The following NFATC3 variants were observed in gnomAD, a reference collection of about 807,000 sequenced individuals.
NFATC3 encodes the protein nuclear factor of activated T cells 3.
NFATC3 carries 46 observed loss-of-function variants against 98.6 expected under a neutral mutation model. The observed-to-expected ratio is 0.47, with a 90% CI of 0.37 to 0.60. The LOEUF (loss-of-function observed/expected upper bound fraction) is 0.60. Among genes scored for constraint, NFATC3 ranks in the 20% least tolerant of loss-of-function variants. The probability of loss-of-function intolerance (pLI) is 0.00; values close to 1 mark genes in which losing one functional copy is unlikely to be tolerated. For missense variants in NFATC3, 1,256 were observed against 1,295.5 expected (o/e 0.97, Z 0.47); for synonymous variants, 512 against 472.2 (o/e 1.08, Z -1.09).
intron 8 of NFATC3, 92 bp downstream of exon 8, chr16:68,183,458 G>A: frequency 7.0e-7 from 1 of 1,425,124 alleles, no homozygotes; most frequent in South Asian, 1.3e-5. Flanking sequence ...GTTTAAGGTA[G>A]AGTGCTTATA....
At chr16:68,222,361 T>C (rs974545582) in intron 9 of NFATC3, among the ~76,000 whole-genome samples, 1 of 137,422 alleles carries the variant, frequency 7.3e-6, no homozygotes, top group Non-Finnish European at 1.6e-5. Context: ...AAACACGTCA[T>C]GTGGTTTTTG....
At position 68,173,838 on chromosome 16, in the gene NFATC3, C is replaced by T. The variant is rs147880729; in HGVS notation, c.1775-536C>T. Among the ~76,000 whole-genome samples the T allele has an allele frequency of 6.3e-4, 96 of 152,188 alleles. 1 individual carries two copies. The East Asian group carries it at 0.018, about 28-fold the overall frequency. ...GATATTAATGAAGTTTTATTAGTTT[C>T]TTTATAGTTGTAGTCTAAGAAAATA... is the stretch of plus-strand genomic sequence containing the variant. On this transcript the variant is annotated intron_variant, in intron 5 of 9. Coordinates refer to ENST00000346183, the MANE Select transcript of NFATC3 (RefSeq NM_173165.3).
chr16:68,202,168 TTAAA>T (rs1375209328), intron 9 of NFATC3, among the ~76,000 whole-genome samples: 1 of 151,984 alleles, frequency 6.6e-6, no homozygotes, highest in East Asian at 1.9e-4. Context: ...AGGATGCATG[TTAAA>T]TATAGCCTGA....
Position 68,126,444 on chromosome 16 carries a change from G to A in NFATC3, c.1239-4G>A. ...ACATGCATCTTTGTGTGTTTTGTTTGTAGCACATCTTCATTACCTCCACTA... is the reference window on the plus strand; with the variant it reads ...ACATGCATCTTTGTGTGTTTTGTTTATAGCACATCTTCATTACCTCCACTA... On this transcript the variant is annotated splice_polypyrimidine_tract_variant and splice_region_variant and intron_variant, in intron 2 of 9. Coordinates refer to ENST00000346183, the MANE Select transcript of NFATC3 (RefSeq NM_173165.3). The A allele has an allele frequency of 6.2e-7, 1 of 1,605,772 alleles. No individual in the cohort carries two copies. Among genetic ancestry groups the A allele is most frequent in the African/African-American group, 1.3e-5 (1 of 74,948 alleles).
rs201574156 is a variant in NFATC3 at position 68,201,802 on chromosome 16, A to AG, written c.3106+10028dup. 5.3e-3 allele frequency among the ~76,000 whole-genome samples: 750 copies of AG among 142,822 alleles called. 7 individuals are homozygous for AG. The highest frequency in any genetic ancestry group is 0.017 in the African/African-American group (684 of 40,080). The allele number at this position is 142,822 out of a possible 152,430, so 93.7% of individuals were successfully genotyped here. A position where few individuals can be genotyped will look rare whatever the true frequency, so the allele number is the denominator to read the frequency against. ...CCCATCTCTACCAAAAAGGAAAAAAAGAAAAATCAGCTGGGCACGATGGTG... is the reference window on the plus strand; with the variant it reads ...CCCATCTCTACCAAAAAGGAAAAAAAGGAAAAATCAGCTGGGCACGATGGTG... On this transcript the variant is annotated intron_variant, in intron 9 of 9. Transcript: ENST00000346183.
chr16:68,198,946 T>G (rs1030993925), intron 9 of NFATC3, among the ~76,000 whole-genome samples: 2 of 150,726 alleles, frequency 1.3e-5, no homozygotes, highest in African/African-American at 2.4e-5. Flanking sequence ...TACTCAGGAG[T>G]CTGAGGCAGG....
At chr16:68,197,286 C>A (rs1380513061) in intron 9 of NFATC3, among the ~76,000 whole-genome samples, 1 of 151,926 alleles carries the variant, frequency 6.6e-6, no homozygotes, top group Non-Finnish European at 1.5e-5. Context: ...TACTTTATTT[C>A]ATTTTATTAT....
chr16:68,153,834 CGATCTCCTGACCTCGTGATCTGCCT>C (rs1431438064), intron 3 of NFATC3, among the ~76,000 whole-genome samples: 1 of 151,966 alleles, frequency 6.6e-6, no homozygotes, highest in African/African-American at 2.4e-5. Context: ...AGGATGGTCT[CGATCTCCTGACCTCGTGATCTGCCT>C]GCCTTGGCCT....
At chr16:68,121,352 G>T (rs2036570967) in intron 1 of NFATC3, among the ~76,000 whole-genome samples, 1 of 144,254 alleles carries the variant, frequency 6.9e-6, no homozygotes. Context: ...GTATTTTTTA[G>T]AATTATGGAT....
intron 4 of NFATC3, among the ~76,000 whole-genome samples, chr16:68,159,404 CTTTTTTT>C (rs577760579): frequency 7.5e-6 from 1 of 133,358 alleles, no homozygotes; most frequent in Non-Finnish European, 1.6e-5. Flanking sequence ...ACCTTTCTTT[CTTTTTTT>C]TTTTTTTTTA....
At chr16:68,179,412 A>G (rs2039862296) in intron 6 of NFATC3, among the ~76,000 whole-genome samples, 1 of 152,170 alleles carries the variant, frequency 6.6e-6, no homozygotes. Flanking sequence ...TGCTGAACTG[A>G]GCTGTAATTT....
At chr16:68,159,569 C>T (rs1293146266) in intron 4 of NFATC3, among the ~76,000 whole-genome samples, 2 of 151,656 alleles carry the variant, frequency 1.3e-5, no homozygotes, top group Non-Finnish European at 1.5e-5. Flanking sequence ...ACTAGAGGCA[C>T]CTGCCACCAC....
intron 9 of NFATC3, among the ~76,000 whole-genome samples, chr16:68,203,844 A>G (rs554524744): frequency 6.6e-6 from 1 of 152,162 alleles, no homozygotes. Flanking sequence ...TGACATCAGG[A>G]GTTCAAGACC....
chr16:68,188,161 T>C (rs2040288268), intron 8 of NFATC3, among the ~76,000 whole-genome samples: 2 of 152,112 alleles, frequency 1.3e-5, no homozygotes, highest in African/African-American at 2.4e-5. Flanking sequence ...GCTCCAAGAT[T>C]GAAATGGGCA....
chr16:68,126,498 A>G lies in NFATC3; in HGVS notation c.1289A>G (p.Gln430Arg), dbSNP rs1443153927. ...LDWPLPAHFGQCELKIEVQPK... is the reference protein window; with the variant it reads ...LDWPLPAHFGRCELKIEVQPK... ...TGGCCTTTACCAGCTCATTTTGGAC[A>G]ATGTGAACTGAAAATAGAAGTGCAA... Residue 430 changes from glutamine to arginine, a missense_variant, in exon 3 of 10, where the codon CAA (glutamine) becomes CGA (arginine). This residue lies in a region of NFATC3 where 156 missense variants were observed against 212.4 expected (regional missense o/e 0.73). Coordinates refer to ENST00000346183, the MANE Select transcript of NFATC3 (RefSeq NM_173165.3). 1 of 1,614,140 alleles carries G rather than the reference A, an allele frequency of 6.2e-7. No homozygotes were observed.
intron 9 of NFATC3, among the ~76,000 whole-genome samples, chr16:68,201,811 A>G (rs1567547621): frequency 7.1e-6 from 1 of 141,120 alleles, no homozygotes; most frequent in East Asian, 2.1e-4. Flanking sequence ...AAGAAAAATC[A>G]GCTGGGCACG....
At chr16:68,184,520 A>T (rs2151631297) in intron 8 of NFATC3, among the ~76,000 whole-genome samples, 1 of 152,202 alleles carries the variant, frequency 6.6e-6, no homozygotes, top group East Asian at 1.9e-4. Context: ...TAGTTTCTGT[A>T]GGCCGGGCGC....
chr16:68,219,569 A>C (rs2041778040), intron 9 of NFATC3, among the ~76,000 whole-genome samples: 1 of 152,050 alleles, frequency 6.6e-6, no homozygotes, highest in Non-Finnish European at 1.5e-5. Context: ...ACTGTCTCCT[A>C]AAATAATAAT....
At chr16:68,138,705 G>T (rs1001157771) in intron 3 of NFATC3, 11 of 1,288,342 alleles carry the variant, frequency 8.5e-6, no homozygotes, top group South Asian at 2.5e-5. Flanking sequence ...GAAGTACTGG[G>T]AAAAGTAGTC....
Sources: gnomAD v4.1 joint callset for allele counts (sites outside exome capture counted in the v4.1 genomes callset) on GRCh38, gnomAD v4.1.1 for gene constraint, gnomAD v4.1.1 regional missense constraint, MANE v1.5 for transcripts, NCBI Gene and HGNC (gene_info 2026-07-23, HGNC 2026-07-21) for gene names.